The following ANKRD31 variants were observed in gnomAD, a reference collection of about 807,000 sequenced individuals.
The protein encoded by ANKRD31 is ankyrin repeat domain 31, also known as ankyrin repeat domain-containing protein 31.
A neutral mutation model predicts 186.0 loss-of-function variants in ANKRD31; 147 were observed. That is an observed-to-expected ratio of 0.79 (90% CI 0.69 to 0.91). The LOEUF (loss-of-function observed/expected upper bound fraction) is 0.91, where lower values mean the gene tolerates loss of function less well. Among genes scored for constraint, ANKRD31 ranks in the 40% least tolerant of loss-of-function variants. The pLI is 0.00. For synonymous variants in ANKRD31, 673 were observed against 736.4 expected (o/e 0.91, Z 1.39); for missense variants, 1,986 against 2,148.8 (o/e 0.92, Z 1.50).
At chr5:75,074,565 C>A (rs938376197) in intron 25 of ANKRD31, among the ~76,000 whole-genome samples, 3 of 152,066 alleles carry the variant, frequency 2.0e-5, no homozygotes, top group African/African-American at 7.2e-5. Flanking sequence ...AAATCTGAGC[C>A]GACTAGGATA....
chr5:75,229,204 C>T (rs757529213), intron 2 of ANKRD31, among the ~76,000 whole-genome samples: 2 of 152,088 alleles, frequency 1.3e-5, no homozygotes, highest in Non-Finnish European at 2.9e-5. Flanking sequence ...CTAGAAGTGG[C>T]CTCAGGATGT....
At chr5:75,120,554 C>A (rs1359229948) in intron 17 of ANKRD31, among the ~76,000 whole-genome samples, 1 of 151,740 alleles carries the variant, frequency 6.6e-6, no homozygotes, top group Non-Finnish European at 1.5e-5. Context: ...TGCTTGTGTC[C>A]AAGGATAAAG....
intron 22 of ANKRD31, among the ~76,000 whole-genome samples, chr5:75,098,288 A>C (rs2150044255): frequency 6.6e-6 from 1 of 152,138 alleles, no homozygotes; most frequent in South Asian, 2.1e-4. Context: ...TGCCCGGCCT[A>C]TATCTCTGTT....
intron 11 of ANKRD31, among the ~76,000 whole-genome samples, chr5:75,160,813 G>A (rs2150172279): frequency 6.6e-6 from 1 of 152,264 alleles, no homozygotes; most frequent in East Asian, 1.9e-4. Flanking sequence ...TCATGGTAAT[G>A]AATAAGTCTC....
At chr5:75,115,364 TA>T (rs1271798226) in intron 19 of ANKRD31, among the ~76,000 whole-genome samples, 1 of 152,104 alleles carries the variant, frequency 6.6e-6, no homozygotes, top group Non-Finnish European at 1.5e-5. Flanking sequence ...ACTTCATGTC[TA>T]AAACACCAAA....
chr5:75,204,614 T>G (rs1756031170), intron 5 of ANKRD31, among the ~76,000 whole-genome samples: 1 of 152,194 alleles, frequency 6.6e-6, no homozygotes, highest in South Asian at 2.1e-4. Flanking sequence ...TACTAAGAGA[T>G]AAGGATCTAG....
At chr5:75,234,034 T>G (rs1323103270) in intron 1 of ANKRD31, among the ~76,000 whole-genome samples, 1 of 152,184 alleles carries the variant, frequency 6.6e-6, no homozygotes, top group Non-Finnish European at 1.5e-5. Flanking sequence ...AAAAACAAAC[T>G]AAATGTTTTG....
chr5:75,178,717 T>G (rs577869535), intron 10 of ANKRD31, among the ~76,000 whole-genome samples: 3 of 151,674 alleles, frequency 2.0e-5, no homozygotes, highest in South Asian at 2.1e-4. Context: ...CCAGAATCTC[T>G]GGGACACATT....
At chr5:75,190,612 T>C (rs958154236) in intron 9 of ANKRD31, among the ~76,000 whole-genome samples, 1 of 151,822 alleles carries the variant, frequency 6.6e-6, no homozygotes, top group Admixed American at 6.6e-5. Flanking sequence ...TATATATGTG[T>C]GTGTGTGTGT....
chr5:75,222,456 A>C, intron 2 of ANKRD31, 98 bp from the exon 3 acceptor site: 1 of 812,776 alleles, frequency 1.2e-6, no homozygotes, highest in Non-Finnish European at 1.9e-6. Context: ...TGTTATCAAG[A>C]ATCATCTAGT....
intron 17 of ANKRD31, among the ~76,000 whole-genome samples, chr5:75,119,847 G>A (rs548832607): frequency 6.6e-6 from 1 of 151,976 alleles, no homozygotes; most frequent in African/African-American, 2.4e-5. Context: ...GATGACTAGT[G>A]GTACTGAACA....
rs375392181 is a variant in ANKRD31, at chr5:75,236,866, G to A, written c.-180C>T. On this transcript the variant is annotated 5_prime_UTR_variant, in exon 1 of 26. Transcript: ENST00000506364. Reference sequence around the variant, plus strand: ...GGACGCAGGCGGCCGCGAGCGCGGCGGGGTAGCAGTCTGCGAGGCGGCCCG... The same window carrying A: ...GGACGCAGGCGGCCGCGAGCGCGGCAGGGTAGCAGTCTGCGAGGCGGCCCG... 6.4e-6 allele frequency: 3 copies of A among 472,208 alleles called. No homozygotes were observed. Among genetic ancestry groups the A allele is most frequent in the Non-Finnish European group, 1.1e-5 (3 of 280,066 alleles). The allele number at this position is 472,208 out of a possible 1,614,324, so 29.3% of individuals were successfully genotyped here.
intron 10 of ANKRD31, among the ~76,000 whole-genome samples, chr5:75,176,803 G>A (rs1285846189): frequency 4.6e-5 from 7 of 152,264 alleles, no homozygotes; most frequent in South Asian, 4.1e-4. Flanking sequence ...CAGAAAAACC[G>A]GAAACTCTAA....
intron 18 of ANKRD31, 81 bp from the exon 19 acceptor site, chr5:75,116,762 G>A (rs1341695906): frequency 4.2e-6 from 3 of 705,920 alleles, no homozygotes; most frequent in Non-Finnish European, 6.1e-6. Flanking sequence ...TGATGGGGAT[G>A]AGAAGGATAA....
At position 75,091,268 on chromosome 5, in the gene ANKRD31, C is replaced by T; in HGVS notation, c.5465G>A (p.Trp1822Ter). Reference sequence around the variant, plus strand: ...AACTTAAGAATGACCCACCTTACTCCAAGCATAATTCCAGGTCACATAACT... The same window carrying T: ...AACTTAAGAATGACCCACCTTACTCTAAGCATAATTCCAGGTCACATAACT... ...GNSYVTWNYA[W>*]SKVTYLGKEL... is the part of the protein sequence containing the mutation. The change falls in exon 23 of 26, where the codon TGG (tryptophan) becomes TAG (stop). Residue 1822 changes from tryptophan (W) to a stop codon, truncating the protein, a stop_gained. Transcript: ENST00000506364. LOFTEE classifies it high-confidence loss of function. 7 of 1,535,582 alleles carry T rather than the reference C, an allele frequency of 4.6e-6. No homozygotes were observed. Among genetic ancestry groups the T allele is most frequent in the Non-Finnish European group, 6.1e-6 (7 of 1,146,504 alleles).
intron 13 of ANKRD31, among the ~76,000 whole-genome samples, chr5:75,147,837 T>C (rs994023447): frequency 1.3e-5 from 2 of 151,938 alleles, no homozygotes; most frequent in Non-Finnish European, 2.9e-5. Flanking sequence ...TGCTTTTAAA[T>C]TAATCAGATC....
At chr5:75,145,713 C>G (rs944636043) in intron 14 of ANKRD31, among the ~76,000 whole-genome samples, 2 of 151,132 alleles carry the variant, frequency 1.3e-5, no homozygotes, top group Non-Finnish European at 3.0e-5. Flanking sequence ...CACATGTATC[C>G]CAGAACTTAA....
At chr5:75,173,562 A>C (rs1753528497) in intron 10 of ANKRD31, among the ~76,000 whole-genome samples, 1 of 152,202 alleles carries the variant, frequency 6.6e-6, no homozygotes, top group Non-Finnish European at 1.5e-5. Flanking sequence ...ATGTGCAAAA[A>C]TCACAAGCAT....
chr5:75,156,243 T>C (rs2150162394), intron 11 of ANKRD31, among the ~76,000 whole-genome samples: 1 of 152,302 alleles, frequency 6.6e-6, no homozygotes, highest in South Asian at 2.1e-4. Flanking sequence ...TATCTCTCTT[T>C]TGAGATAATA....
Sources: gnomAD v4.1 joint callset for allele counts (sites outside exome capture counted in the v4.1 genomes callset) on GRCh38, gnomAD v4.1.1 for gene constraint, MANE v1.5 for transcripts, NCBI Gene and HGNC (gene_info 2026-07-23, HGNC 2026-07-21) for gene names.